ZNF385D: variants seen among roughly 807,000 people sequenced by gnomAD.
ZNF385D encodes the protein zinc finger protein 385D.
ZNF385D carries 15 observed loss-of-function variants against 35.8 expected under a neutral mutation model. That is an observed-to-expected ratio of 0.42 (90% CI 0.28 to 0.64). The LOEUF is 0.64. ZNF385D is among the 30% of genes least tolerant of loss of function. The pLI is 0.23. For missense variants in ZNF385D, 474 were observed against 494.6 expected (o/e 0.96, Z 0.39); for synonymous variants, 212 against 186.8 (o/e 1.13, Z -1.10).
Position 22,233,563 on chromosome 3 carries a change from C to A in ZNF385D, c.107-64528G>T, listed in dbSNP as rs1351188006. Among the ~76,000 whole-genome samples the A allele has an allele frequency of 3.3e-5, 5 of 152,102 alleles. No individual in the cohort carries two copies. In the South Asian group the frequency reaches 1.0e-3, roughly 32 times the overall value. ...TAAAATATGTGCGTATTATTGCATG[C>A]CATTTATACCTCCATAAACTTAAGA... On this transcript the variant is annotated intron_variant, in intron 2 of 5. Coordinates refer to the ZNF385D transcript ENST00000494108.
At chr3:22,348,683 G>GA in intron 2 of ZNF385D, among the ~76,000 whole-genome samples, 1 of 123,500 alleles carries the variant, frequency 8.1e-6, no homozygotes, top group African/African-American at 3.6e-5. Context: ...AGAAAGAAAG[G>GA]AAGGGAGGGA....
chr3:21,577,445 T>C (rs2063526340), intron 2 of ZNF385D, among the ~76,000 whole-genome samples: 1 of 152,204 alleles, frequency 6.6e-6, no homozygotes, highest in South Asian at 2.1e-4. Flanking sequence ...ATCTTAGCTA[T>C]TGTGCATAAT....
chr3:22,083,300 T>A (rs567123021), intron 3 of ZNF385D, among the ~76,000 whole-genome samples: 2 of 152,182 alleles, frequency 1.3e-5, no homozygotes, highest in Non-Finnish European at 2.9e-5. Flanking sequence ...TAAAGGAGGA[T>A]GTTCGAACCC....
chr3:21,476,958 T>A lies in ZNF385D; in HGVS notation c.439+33903A>T, dbSNP rs145238159. ...TCCGTGAGAATGTTCTGAACCATTC[T>A]ATGTCACCAATTACCCCACCCATTT... is the stretch of plus-strand genomic sequence containing the variant. On this transcript the variant is annotated intron_variant, in intron 4 of 7. Transcript: ENST00000281523. Among the ~76,000 whole-genome samples the A allele has an allele frequency of 2.6e-5, 4 of 152,290 alleles. No homozygotes were observed. In the East Asian group the frequency reaches 7.7e-4, roughly 29 times the overall value.
intron 2 of ZNF385D, among the ~76,000 whole-genome samples, chr3:21,599,370 C>T (rs557457884): frequency 1.3e-5 from 2 of 152,126 alleles, no homozygotes; most frequent in South Asian, 4.1e-4. Flanking sequence ...GAAATAAAAA[C>T]ATTAAACGTA....
At chr3:21,727,973 C>A (rs150634423) in intron 1 of ZNF385D, among the ~76,000 whole-genome samples, 1 of 151,884 alleles carries the variant, frequency 6.6e-6, no homozygotes, top group East Asian at 1.9e-4. Flanking sequence ...AGGATGAGTT[C>A]ATGTCCTTTG....
intron 3 of ZNF385D, among the ~76,000 whole-genome samples, chr3:22,153,826 A>C (rs1705417896): frequency 6.6e-6 from 1 of 152,108 alleles, no homozygotes; most frequent in African/African-American, 2.4e-5. Flanking sequence ...CTGGTCTCAT[A>C]GTCAGCTTCC....
At position 22,304,774 on chromosome 3, in the gene ZNF385D, C is replaced by T. The variant is rs73134111; in HGVS notation, c.106+67676G>A. On this transcript the variant is annotated intron_variant, in intron 2 of 5. Transcript: ENST00000494108. ...TAAATTCTCTCTTCACACAATCAGG[C>T]ATATAAGAACTATTTTTCATTTTGT... Among the ~76,000 whole-genome samples, 1,466 of 152,244 alleles carry T rather than the reference C, an allele frequency of 9.6e-3. 30 individuals carry two copies. Among genetic ancestry groups the T allele is most frequent in the African/African-American group, 0.033 (1,376 of 41,558 alleles).
chr3:22,338,296 A>T (rs528130022), intron 2 of ZNF385D, among the ~76,000 whole-genome samples: 2 of 152,288 alleles, frequency 1.3e-5, no homozygotes, highest in South Asian at 4.1e-4. Flanking sequence ...ATTTTCTGAC[A>T]AAGATTTTGG....
chr3:21,780,776 A>G (rs544191314), intron 3 of ZNF385D, among the ~76,000 whole-genome samples: 2 of 152,118 alleles, frequency 1.3e-5, no homozygotes, highest in African/African-American at 4.8e-5. Flanking sequence ...CCTGAGGAAT[A>G]CTTCTCCATC....
chr3:21,551,217 C>A (rs1575158028), intron 3 of ZNF385D, among the ~76,000 whole-genome samples: 1 of 152,266 alleles, frequency 6.6e-6, no homozygotes, highest in South Asian at 2.1e-4. Context: ...ACACATAGAT[C>A]TTCCTCCATG....
At chr3:21,516,717 C>T (rs376298548) in intron 3 of ZNF385D, among the ~76,000 whole-genome samples, 1 of 152,144 alleles carries the variant, frequency 6.6e-6, no homozygotes, top group Non-Finnish European at 1.5e-5. Flanking sequence ...TCTGGGTCAT[C>T]GTGCATGCAT....
At chr3:21,982,677 T>C (rs764464719) in intron 3 of ZNF385D, among the ~76,000 whole-genome samples, 3 of 152,194 alleles carry the variant, frequency 2.0e-5, no homozygotes, top group Non-Finnish European at 4.4e-5. Flanking sequence ...TCAAGGGGAA[T>C]ACTGCTAGCT....
At chr3:21,630,996 G>C (rs933424883) in intron 2 of ZNF385D, among the ~76,000 whole-genome samples, 1 of 152,062 alleles carries the variant, frequency 6.6e-6, no homozygotes, top group Non-Finnish European at 1.5e-5. Flanking sequence ...TTCGTAAATA[G>C]ATACCAGGGA....
At position 21,955,360 on chromosome 3, in the gene ZNF385D, C is replaced by T. The variant is rs75104597; in HGVS notation, c.325+213457G>A. Among the ~76,000 whole-genome samples the T allele has an allele frequency of 2.6e-3, 390 of 152,146 alleles. 2 individuals are homozygous for T. Among genetic ancestry groups the T allele is most frequent in the African/African-American group, 8.9e-3 (371 of 41,544 alleles). On this transcript the variant is annotated intron_variant, in intron 3 of 5. Coordinates refer to the ZNF385D transcript ENST00000494108. ...AAAAAACAAAGCTACATGGAAAATG[C>T]AGGTAATTCCACCCCCAAAAATAGG... is the stretch of plus-strand genomic sequence containing the variant.
At chr3:21,770,544 A>T (rs954328647) in intron 3 of ZNF385D, among the ~76,000 whole-genome samples, 1 of 152,194 alleles carries the variant, frequency 6.6e-6, no homozygotes, top group African/African-American at 2.4e-5. Flanking sequence ...ATGAGATACC[A>T]TCTCACACCA....
intron 2 of ZNF385D, among the ~76,000 whole-genome samples, chr3:21,587,909 C>T (rs2063857927): frequency 6.6e-6 from 1 of 151,986 alleles, no homozygotes; most frequent in African/African-American, 2.4e-5. Flanking sequence ...GATTATCAGA[C>T]AGGCCAATTT....
intron 3 of ZNF385D, among the ~76,000 whole-genome samples, chr3:22,096,015 G>T (rs182083318): frequency 6.6e-6 from 1 of 152,022 alleles, no homozygotes; most frequent in East Asian, 1.9e-4. Flanking sequence ...GAGATTGGAG[G>T]TTACTTTTGA....
chr3:22,177,939 A>G (rs1694948565), intron 2 of ZNF385D, among the ~76,000 whole-genome samples: 1 of 152,200 alleles, frequency 6.6e-6, no homozygotes, highest in Admixed American at 6.5e-5. Flanking sequence ...GCTGTACAGT[A>G]TTCCATGGTG....
Sources: gnomAD v4.1 joint callset for allele counts (sites outside exome capture counted in the v4.1 genomes callset) on GRCh38, gnomAD v4.1.1 for gene constraint, MANE v1.5 for transcripts, NCBI Gene and HGNC (gene_info 2026-07-23, HGNC 2026-07-21) for gene names.